Variants in SEPTIN7 observed in about 807,000 individuals in gnomAD.
The protein encoded by SEPTIN7 is septin 7, also known as septin-7.
In SEPTIN7, 10 loss-of-function variants were observed where a neutral mutation model predicts 63.3. That is an observed-to-expected ratio of 0.16 (90% CI 0.10 to 0.27). The LOEUF (loss-of-function observed/expected upper bound fraction) is 0.27, where lower values mean the gene tolerates loss of function less well. SEPTIN7 is among the 10% of genes least tolerant of loss of function. The pLI is 1.00. For synonymous variants in SEPTIN7, 131 were observed against 165.3 expected (o/e 0.79, Z 1.59); for missense variants, 310 against 521.0 (o/e 0.59, Z 3.94).
intron 8 of SEPTIN7, among the ~76,000 whole-genome samples, chr7:35,882,988 C>A (rs963796754): frequency 6.6e-6 from 1 of 152,004 alleles, no homozygotes; most frequent in Non-Finnish European, 1.5e-5. Context: ...CGTTCTGTAG[C>A]ATTGTAGGGT....
chr7:35,873,100 A>G (rs949616998), intron 5 of SEPTIN7, among the ~76,000 whole-genome samples: 5 of 152,140 alleles, frequency 3.3e-5, no homozygotes, highest in Admixed American at 1.3e-4. Context: ...TATAAATTCT[A>G]TCTCAATCCT....
At chr7:35,903,315 T>G in intron 13 of SEPTIN7, 100 bp downstream of exon 13, 1 of 1,415,456 alleles carries the variant, frequency 7.1e-7, no homozygotes, top group Non-Finnish European at 9.3e-7. Flanking sequence ...TAAAAAGTCA[T>G]CACCCATTAT....
At chr7:35,914,888 A>G in the SEPTIN7 span, among the ~76,000 whole-genome samples, 3 of 152,028 alleles carry the variant, frequency 2.0e-5, no homozygotes, top group African/African-American at 4.8e-5. Context: ...ATAGATATGT[A>G]TGTGCACGTA....
rs144956060 is a variant in SEPTIN7, at chr7:35,848,505, C to T, written c.170-15047C>T. Reference sequence around the variant, plus strand: ...CAGGATGGTCTTGATCTCCTGACCTCGTGATCCACCCATTTTTAAGGAGGA... The same window carrying T: ...CAGGATGGTCTTGATCTCCTGACCTTGTGATCCACCCATTTTTAAGGAGGA... On this transcript the variant is annotated intron_variant, in intron 3 of 13. Coordinates refer to ENST00000350320, the MANE Select transcript of SEPTIN7 (RefSeq NM_001788.6). Among the ~76,000 whole-genome samples, 1,197 of 152,064 alleles carry T rather than the reference C, an allele frequency of 7.9e-3. 7 individuals carry two copies. The highest frequency in any genetic ancestry group is 0.013 in the Non-Finnish European group (892 of 67,988).
downstream of SEPTIN7, among the ~76,000 whole-genome samples, chr7:35,910,528 T>A (rs978493076): frequency 3.3e-5 from 5 of 152,258 alleles, no homozygotes; most frequent in Non-Finnish European, 5.9e-5. Context: ...AGATGCCCTA[T>A]ACTTCAGCTC....
chr7:35,904,050 C>T (rs1311023269), intron 13 of SEPTIN7, among the ~76,000 whole-genome samples: 1 of 152,014 alleles, frequency 6.6e-6, no homozygotes, highest in Non-Finnish European at 1.5e-5. Context: ...GGAGTTTTGT[C>T]AAATATTTGA....
intron 1 of SEPTIN7, among the ~76,000 whole-genome samples, chr7:35,818,468 C>G (rs1789222733): frequency 6.6e-6 from 1 of 151,988 alleles, no homozygotes; most frequent in African/African-American, 2.4e-5. Flanking sequence ...AAACTGGCCT[C>G]ATAAAATGAG....
In SEPTIN7 at chr7:35,834,650, T is replaced by C. The variant is rs117488409; in HGVS notation, c.169+1750T>C. Reference sequence around the variant, plus strand: ...AATTAACTACATTTGAATAGATATATTGAGTGCAGGTATTAAATATTTTCA... The same window carrying C: ...AATTAACTACATTTGAATAGATATACTGAGTGCAGGTATTAAATATTTTCA... On this transcript the variant is annotated intron_variant, in intron 3 of 13. Coordinates refer to ENST00000350320, the MANE Select transcript of SEPTIN7 (RefSeq NM_001788.6). 9.0e-3 allele frequency among the ~76,000 whole-genome samples: 1,363 copies of C among 152,244 alleles called. 14 individuals carry two copies. The highest frequency in any genetic ancestry group is 1.0e-2 in the African/African-American group (415 of 41,582).
chr7:35,860,837 TTTGGAG>T (rs1785464769), intron 3 of SEPTIN7, among the ~76,000 whole-genome samples: 3 of 152,200 alleles, frequency 2.0e-5, no homozygotes, highest in African/African-American at 7.2e-5. Flanking sequence ...GTTTTTCTTA[TTTGGAG>T]TTTGTTGAGA....
chr7:35,882,537 AGAT>A lies in SEPTIN7; in HGVS notation c.690_692del (p.Asp230del). The stretch of plus-strand genomic sequence containing the variant: ...TTAAAATATACGAATTTCCAGAAAC[AGAT>A]GATGAAGAAGAAAATAAACTTGTTA... On this transcript the variant is annotated inframe_deletion, in exon 8 of 14. Coordinates refer to ENST00000350320, the MANE Select transcript of SEPTIN7 (RefSeq NM_001788.6). 3 of 1,488,208 alleles carry A rather than the reference AGAT, an allele frequency of 2.0e-6. No individual in the cohort carries two copies. The highest frequency in any genetic ancestry group is 2.7e-6 in the Non-Finnish European group (3 of 1,108,732). 92.2% of individuals were successfully genotyped at this position (1,488,208 alleles called of 1,614,324 possible).
At chr7:35,900,571 T>A (rs1788261388) in intron 12 of SEPTIN7, 1 of 152,152 alleles carries the variant, frequency 6.6e-6, no homozygotes. Context: ...ATCTGGAAAA[T>A]CTATATCCAA....
chr7:35,885,056 C>A (rs1787144915), intron 9 of SEPTIN7, among the ~76,000 whole-genome samples: 2 of 151,848 alleles, frequency 1.3e-5, no homozygotes, highest in South Asian at 4.1e-4. Context: ...TGCTATGTTG[C>A]CCAACTGGCC....
At chr7:35,850,353 T>A (rs1784900803) in intron 3 of SEPTIN7, among the ~76,000 whole-genome samples, 1 of 152,112 alleles carries the variant, frequency 6.6e-6, no homozygotes, top group Non-Finnish European at 1.5e-5. Flanking sequence ...TTGAACAAAA[T>A]TGATTTCAAA....
the SEPTIN7 span, among the ~76,000 whole-genome samples, chr7:35,912,232 T>C: frequency 3.1e-4 from 47 of 152,190 alleles, no homozygotes; most frequent in African/African-American, 1.1e-3. Flanking sequence ...CGCTGGAAGG[T>C]TGTGGGTTTA....
intron 10 of SEPTIN7, 157 bp from the exon 11 acceptor site, chr7:35,890,511 A>T (rs1436525089): frequency 3.9e-6 from 2 of 517,810 alleles, no homozygotes; most frequent in African/African-American, 4.0e-5. Context: ...GTGTAAATGA[A>T]AACAGATGAA....
intron 1 of SEPTIN7, among the ~76,000 whole-genome samples, chr7:35,830,778 A>G (rs1179111642): frequency 6.6e-6 from 1 of 151,970 alleles, no homozygotes; most frequent in African/African-American, 2.4e-5. Context: ...GCCAAGGATT[A>G]TCTATTTTAT....
At position 35,890,744 on chromosome 7, in the gene SEPTIN7, G is replaced by A. The variant is rs2116332304; in HGVS notation, c.949G>A (p.Val317Met). The change falls in exon 11 of 14, where the codon GTG becomes ATG. Residue 317 changes from valine (V) to methionine (M), a missense_variant. Physicochemically the swap from Val to Met is conservative, Grantham distance 21. Transcript: ENST00000350320. ...CTACAGAAGCAGAAAACTTGCAGCT[G>A]TGACTTATAATGGAGTTGATAACAA... is the stretch of plus-strand genomic sequence containing the variant. ...ENYRSRKLAA[V>M]TYNGVDNNKN... 1 of 1,598,928 alleles carries A rather than the reference G, an allele frequency of 6.3e-7. No homozygotes were observed. Among genetic ancestry groups the A allele is most frequent in the East Asian group, 2.3e-5 (1 of 44,090 alleles).
At chr7:35,832,774 C>T in intron 2 of SEPTIN7, 24 bp from the exon 3 acceptor site, 1 of 1,300,820 alleles carries the variant, frequency 7.7e-7, no homozygotes, top group African/African-American at 1.5e-5. Context: ...ACATGAATAA[C>T]TTGGCCCTTT....
intron 11 of SEPTIN7, among the ~76,000 whole-genome samples, chr7:35,893,664 G>A (rs1312632913): frequency 3.9e-5 from 6 of 152,136 alleles, no homozygotes; most frequent in African/African-American, 1.4e-4. Context: ...ATTTTCTGAG[G>A]TAGTTTTGGG....
Sources: gnomAD v4.1 joint callset for allele counts (sites outside exome capture counted in the v4.1 genomes callset) on GRCh38, gnomAD v4.1.1 for gene constraint, MANE v1.5 for transcripts, NCBI Gene and HGNC (gene_info 2026-07-23, HGNC 2026-07-21) for gene names.